Variants in PTPN12 observed in about 807,000 individuals in gnomAD.
PTPN12 encodes protein tyrosine phosphatase non-receptor type 12, also known as tyrosine-protein phosphatase non-receptor type 12.
In PTPN12, 29 loss-of-function variants were observed where a neutral mutation model predicts 97.6. That is an observed-to-expected ratio of 0.30 (90% confidence interval 0.22 to 0.41). The LOEUF (loss-of-function observed/expected upper bound fraction) is 0.41, where lower values mean the gene tolerates loss of function less well. Ranked by LOEUF, PTPN12 falls within the 10% of genes least tolerant of loss-of-function variation. The probability of loss-of-function intolerance (pLI) is 1.00; values close to 1 mark genes in which losing one functional copy is unlikely to be tolerated. For missense variants in PTPN12, 819 were observed against 926.0 expected (o/e 0.88, Z 1.50); for synonymous variants, 327 against 300.4 (o/e 1.09, Z -0.91).
intron 2 of PTPN12, among the ~76,000 whole-genome samples, chr7:77,572,098 C>CTTTTTTTTTTTTTTTTTTTT (rs35269832): frequency 7.5e-6 from 1 of 133,330 alleles, no homozygotes; most frequent in Admixed American, 7.5e-5. Context: ...TTCTTGGTGA[C>CTTTTTTTTTTTTTTTTTTTT]TTTTTTTTTT....
Position 77,582,084 on chromosome 7 carries a change from C to CTTTTTT in PTPN12, c.285+604_285+609dup, listed in dbSNP as rs11341609. On this transcript the variant is annotated intron_variant, in intron 3 of 17. Coordinates refer to ENST00000248594, the MANE Select transcript of PTPN12 (RefSeq NM_002835.4). ...CCCTTTGATGAAAAGCAGTCAAGTT[C>CTTTTTT]TTTTTTTTTTTTTTTTTTTTTTTTT... is the stretch of plus-strand genomic sequence containing the variant. Among the ~76,000 whole-genome samples, 281 of 52,876 alleles carry CTTTTTT rather than the reference C, an allele frequency of 5.3e-3. 58 individuals carry two copies. Among genetic ancestry groups the CTTTTTT allele is most frequent in the South Asian group, 0.017 (16 of 944 alleles). 34.7% of individuals were successfully genotyped at this position (52,876 alleles called of 152,430 possible). A position where few individuals can be genotyped will look rare whatever the true frequency, so the allele number is the denominator to read the frequency against.
chr7:77,593,171 A>C (rs1261077013), intron 6 of PTPN12, among the ~76,000 whole-genome samples: 1 of 151,918 alleles, frequency 6.6e-6, no homozygotes, highest in Admixed American at 6.6e-5. Context: ...TGGGAGGCTG[A>C]GGCACGAGAA....
chr7:77,582,698 C>T (rs995804637), intron 3 of PTPN12, among the ~76,000 whole-genome samples: 14 of 151,106 alleles, frequency 9.3e-5, no homozygotes, highest in South Asian at 4.2e-4. Flanking sequence ...GCAGGAGAAT[C>T]GCCTGAACCC....
At chr7:77,572,502 C>T (rs938022004) in intron 2 of PTPN12, among the ~76,000 whole-genome samples, 1 of 152,066 alleles carries the variant, frequency 6.6e-6, no homozygotes, top group Non-Finnish European at 1.5e-5. Context: ...TCCCTCTTTT[C>T]TCCACTAACT....
At chr7:77,596,685 T>A (rs1401146667) in intron 6 of PTPN12, among the ~76,000 whole-genome samples, 1 of 152,238 alleles carries the variant, frequency 6.6e-6, no homozygotes, top group Non-Finnish European at 1.5e-5. Context: ...CTACTGGCAT[T>A]ACAGGTGTGA....
intron 8 of PTPN12, among the ~76,000 whole-genome samples, chr7:77,604,209 C>CAT (rs1554320981): frequency 7.6e-5 from 4 of 52,802 alleles, no homozygotes; most frequent in South Asian, 1.0e-3. Flanking sequence ...TTTTTTCTTC[C>CAT]TTTTTTTTTT....
rs1789219294 is a variant in PTPN12, at chr7:77,627,133, T to C, written c.1454T>C (p.Leu485Pro). 5 of 1,614,140 alleles carry C rather than the reference T, an allele frequency of 3.1e-6. No individual in the cohort carries two copies. Among genetic ancestry groups the C allele is most frequent in the Non-Finnish European group, 4.2e-6 (5 of 1,179,994 alleles). ...AAGCCACAGGAATTAAGTTCAGATC[T>C]AAATGTCGGTGATACTTCCCAGAAT... Reference protein sequence around the residue: ...ISKPQELSSDLNVGDTSQNSC... With the variant: ...ISKPQELSSDPNVGDTSQNSC... The change falls in exon 13 of 18, where the codon CTA becomes CCA. Residue 485 changes from leucine (L) to proline (P), a missense_variant. By Grantham distance (98) the Leu-to-Pro change is moderately conservative (BLOSUM62 -3). Coordinates refer to ENST00000248594, the MANE Select transcript of PTPN12 (RefSeq NM_002835.4).
intron 1 of PTPN12, among the ~76,000 whole-genome samples, chr7:77,560,178 T>G (rs1807933225): frequency 6.6e-6 from 1 of 152,182 alleles, no homozygotes; most frequent in African/African-American, 2.4e-5. Context: ...AACTTAAAAA[T>G]ATTTTTTGGG....
intron 13 of PTPN12, among the ~76,000 whole-genome samples, chr7:77,630,448 T>C (rs958078384): frequency 1.3e-5 from 2 of 152,216 alleles, no homozygotes; most frequent in African/African-American, 4.8e-5. Flanking sequence ...TAGTATATAC[T>C]ACACATCTGG....
chr7:77,618,426 A>T, intron 11 of PTPN12, 54 bp from the exon 12 acceptor site: 1 of 1,198,318 alleles, frequency 8.3e-7, no homozygotes, highest in Non-Finnish European at 1.2e-6. Flanking sequence ...TGAAACATGA[A>T]GAGGAAAAAT....
Position 77,618,561 on chromosome 7 carries a change from C to T in PTPN12, c.1021C>T (p.Arg341Cys), listed in dbSNP as rs530080906. The change falls in exon 12 of 18, where the codon CGC becomes TGC. Residue 341 changes from arginine (R) to cysteine (C), a missense_variant. Transcript: ENST00000248594. ...DSPPPKPPRTRSCLVEGDAKE... is the reference protein window; with the variant it reads ...DSPPPKPPRTCSCLVEGDAKE... ...TCCTCCTCCAAAACCACCAAGGACC[C>T]GCAGGTATTGTATGTCTTCGAACAT... The T allele has an allele frequency of 1.4e-5, 23 of 1,595,036 alleles. No homozygotes were observed. The highest frequency in any genetic ancestry group is 6.7e-5 in the East Asian group (3 of 44,644).
At chr7:77,602,342 T>C (rs1009998150) in intron 8 of PTPN12, among the ~76,000 whole-genome samples, 5 of 152,212 alleles carry the variant, frequency 3.3e-5, no homozygotes, top group African/African-American at 1.2e-4. Context: ...CACATATATG[T>C]ATATGTATAC....
intron 16 of PTPN12, among the ~76,000 whole-genome samples, chr7:77,637,867 A>AAAAC (rs1396546003): frequency 4.0e-5 from 6 of 151,026 alleles, no homozygotes; most frequent in African/African-American, 9.7e-5. Context: ...CAAAAAAAAA[A>AAAAC]AAAAAAAAAC....
intron 8 of PTPN12, among the ~76,000 whole-genome samples, chr7:77,603,838 A>G (rs549228748): frequency 2.1e-4 from 26 of 123,388 alleles, no homozygotes; most frequent in Non-Finnish European, 3.9e-4. Flanking sequence ...GAGAGTACCT[A>G]TTTCCCTATA....
chr7:77,613,737 C>T (rs1788654210), intron 11 of PTPN12, among the ~76,000 whole-genome samples: 1 of 151,816 alleles, frequency 6.6e-6, no homozygotes, highest in Admixed American at 6.6e-5. Context: ...GGGTACATCA[C>T]CTTGCCGAGT....
At chr7:77,540,484 T>C (rs1335325455) in intron 1 of PTPN12, among the ~76,000 whole-genome samples, 1 of 152,038 alleles carries the variant, frequency 6.6e-6, no homozygotes, top group Non-Finnish European at 1.5e-5. Context: ...GACTTTGTGA[T>C]CTGCCCGCCT....
At chr7:77,611,665 GA>G (rs1179833065) in intron 11 of PTPN12, among the ~76,000 whole-genome samples, 1 of 152,122 alleles carries the variant, frequency 6.6e-6, no homozygotes, top group Non-Finnish European at 1.5e-5. Flanking sequence ...GGCTGGTCTC[GA>G]ACTCCTGACC....
chr7:77,544,477 ATTTAC>A (rs918752603), intron 1 of PTPN12, among the ~76,000 whole-genome samples: 29 of 152,336 alleles, frequency 1.9e-4, no homozygotes, highest in African/African-American at 2.6e-4. Context: ...TAAACTAAAA[ATTTAC>A]TTTAAGCATT....
chr7:77,622,719 C>G (rs1029873824), intron 12 of PTPN12, among the ~76,000 whole-genome samples: 1 of 151,812 alleles, frequency 6.6e-6, no homozygotes, highest in Non-Finnish European at 1.5e-5. Flanking sequence ...TACAGTGAGT[C>G]GAGATCGCGC....
Sources: gnomAD v4.1 joint callset for allele counts (sites outside exome capture counted in the v4.1 genomes callset) on GRCh38, gnomAD v4.1.1 for gene constraint, MANE v1.5 for transcripts, NCBI Gene and HGNC (gene_info 2026-07-23, HGNC 2026-07-21) for gene names.